Variants in SLC35B3 observed in about 807,000 individuals in gnomAD.
SLC35B3 encodes the protein solute carrier family 35 member B3.
SLC35B3 carries 35 observed loss-of-function variants against 44.1 expected under a neutral mutation model. That is an observed-to-expected ratio of 0.79 (90% CI 0.61 to 1.05). The LOEUF (loss-of-function observed/expected upper bound fraction) is 1.05, where lower values mean the gene tolerates loss of function less well. Among genes scored for constraint, SLC35B3 ranks in the 50% least tolerant of loss-of-function variants. SLC35B3 has a pLI of 0.00. For synonymous variants in SLC35B3, 146 were observed against 167.3 expected (o/e 0.87, Z 0.98); for missense variants, 414 against 476.4 (o/e 0.87, Z 1.22).
Position 8,434,293 on chromosome 6 carries a change from G to A in SLC35B3, c.3+92C>T. 2.4e-6 allele frequency: 3 copies of A among 1,236,788 alleles called. No individual in the cohort carries two copies. Among genetic ancestry groups the A allele is most frequent in the Non-Finnish European group, 1.2e-6 (1 of 853,744 alleles). The allele number at this position is 1,236,788 out of a possible 1,614,324, so 76.6% of individuals were successfully genotyped here. On this transcript the variant is annotated intron_variant, in intron 2 of 10. Transcript: ENST00000644923. This position sits in a 1 kb window ranked among gnomAD's most constrained non-coding sequence, Gnocchi z 6.3. ...CCCACACCAAAAAAAGGTAGAATAT[G>A]AAAAAAAAGTCATTACGGTGTCATT...
rs1254315540 is a variant in SLC35B3 at position 8,433,983 on chromosome 6, G to A, written c.3+402C>T. 6.6e-6 allele frequency among the ~76,000 whole-genome samples: 1 copy of A among 151,184 alleles called. No homozygotes were observed. Among genetic ancestry groups the A allele is most frequent in the Non-Finnish European group, 1.5e-5 (1 of 67,902 alleles). ...ATTAAAATTAGTTTTCAGACTAAAT[G>A]ATCAACATTGTGCTTTGCTTTTGAA... On this transcript the variant is annotated intron_variant, in intron 2 of 10. Coordinates refer to ENST00000644923, the MANE Select transcript of SLC35B3 (RefSeq NM_001370476.2). This position sits in a 1 kb window ranked among gnomAD's most constrained non-coding sequence, Gnocchi z 4.1.
rs1458303495 is a variant in SLC35B3 at position 8,434,526 on chromosome 6, G to GTT, written c.-43-98_-43-97dup. On this transcript the variant is annotated intron_variant, in intron 1 of 10. Transcript: ENST00000644923. The surrounding 1 kb of genome is among the most constrained non-coding windows in gnomAD (Gnocchi z 6.3). The stretch of plus-strand genomic sequence containing the variant: ...AAAGGTGGAGAAACCCTGTGCTAAT[G>GTT]TTTGAAGACTATTCTTTTTTTTTTC... 6 of 956,768 alleles carry GTT rather than the reference G, an allele frequency of 6.3e-6. No homozygotes were observed. The highest frequency in any genetic ancestry group is 7.5e-6 in the Non-Finnish European group (5 of 668,764). The allele number at this position is 956,768 out of a possible 1,614,324, so 59.3% of individuals were successfully genotyped here.
intron 4 of SLC35B3, among the ~76,000 whole-genome samples, chr6:8,426,928 G>A (rs549724581): frequency 2.5e-4 from 38 of 152,262 alleles, no homozygotes; most frequent in African/African-American, 8.2e-4. Flanking sequence ...TGGACATGAG[G>A]AACTTGTTGG....
At chr6:8,414,400 C>CA (rs1263343917) in intron 10 of SLC35B3, among the ~76,000 whole-genome samples, 1 of 152,016 alleles carries the variant, frequency 6.6e-6, no homozygotes, top group African/African-American at 2.4e-5. Flanking sequence ...TTCACACACA[C>CA]AAAAAATAAA....
intron 5 of SLC35B3, among the ~76,000 whole-genome samples, chr6:8,421,593 G>A (rs914603491): frequency 7.9e-5 from 12 of 152,192 alleles, no homozygotes; most frequent in Admixed American, 2.6e-4. Flanking sequence ...AATATTCCTC[G>A]TGACAATTAA....
rs1243070773 is a variant in SLC35B3, at chr6:8,433,872, A to G, written c.3+513T>C. On this transcript the variant is annotated intron_variant, in intron 2 of 10. Transcript: ENST00000644923. This position sits in a 1 kb window ranked among gnomAD's most constrained non-coding sequence, Gnocchi z 4.1. ...TGTCTGCCATATCCCTTCCACTTCA[A>G]ACATTAATGACTGATACTAACCATC... 6.7e-6 allele frequency among the ~76,000 whole-genome samples: 1 copy of G among 150,302 alleles called. No homozygotes were observed. Among genetic ancestry groups the G allele is most frequent in the Admixed American group, 6.7e-5 (1 of 14,978 alleles).
Position 8,412,655 on chromosome 6 carries a change from G to A in SLC35B3, c.*894C>T, listed in dbSNP as rs1269064602. ...CCTTTTGGCAGTAGGGACTAGTTTC[G>A]TGGAAGACAATTTTTCCATGGACTG... On this transcript the variant is annotated 3_prime_UTR_variant, in exon 11 of 11. Transcript: ENST00000644923. 2.6e-5 allele frequency among the ~76,000 whole-genome samples: 4 copies of A among 152,220 alleles called. No homozygotes were observed. The highest frequency in any genetic ancestry group is 3.4e-3 in the Middle Eastern group (1 of 294).
chr6:8,435,454 C>T lies in SLC35B3; in HGVS notation c.-155G>A. On this transcript the variant is annotated 5_prime_UTR_variant, in exon 1 of 11. Coordinates refer to ENST00000644923, the MANE Select transcript of SLC35B3 (RefSeq NM_001370476.2). This position sits in a 1 kb window ranked among gnomAD's most constrained non-coding sequence, Gnocchi z 5.5. ...TCGCCATCACCTCCTCTTCCTCCTCCTCCTCGCCCACTCCTGCACTTTCCA... is the reference window on the plus strand; with the variant it reads ...TCGCCATCACCTCCTCTTCCTCCTCTTCCTCGCCCACTCCTGCACTTTCCA... 5 of 1,197,322 alleles carry T rather than the reference C, an allele frequency of 4.2e-6. No homozygotes were observed. Among genetic ancestry groups the T allele is most frequent in the Non-Finnish European group, 5.5e-6 (5 of 907,982 alleles). The allele number at this position is 1,197,322 out of a possible 1,614,324, so 74.2% of individuals were successfully genotyped here. A position where few individuals can be genotyped will look rare whatever the true frequency, so the allele number is the denominator to read the frequency against.
chr6:8,413,555 A>G lies in SLC35B3; in HGVS notation c.1200T>C (p.Thr400=). The G allele has an allele frequency of 2.5e-6, 4 of 1,608,080 alleles. No homozygotes were observed. Among genetic ancestry groups the G allele is most frequent in the Non-Finnish European group, 3.4e-6 (4 of 1,177,838 alleles). ...TAAATAGGACAATCACTGTCTATAC[A>G]GTCTGTGCCAGCGTCCTTGACTTTC... Residue 400 remains threonine, a synonymous_variant, in exon 11 of 11, where the codon ACT becomes ACC. Transcript: ENST00000644923.
At position 8,417,460 on chromosome 6, in the gene SLC35B3, A is replaced by G. The variant is rs1392713565; in HGVS notation, c.815T>C (p.Ile272Thr). 2 of 1,605,220 alleles carry G rather than the reference A, an allele frequency of 1.2e-6. No individual in the cohort carries two copies. ...ACTAGTGCATGTCAATCCCAGTAAA[A>G]TGTATACAAAACCAATTGAATACGA... The change falls in exon 8 of 11, where the codon ATT (isoleucine) becomes ACT (threonine). Residue 272 changes from isoleucine (I) to threonine (T), a missense_variant. Transcript: ENST00000644923.
intron 3 of SLC35B3, among the ~76,000 whole-genome samples, chr6:8,428,666 T>A (rs968854243): frequency 6.6e-6 from 1 of 152,200 alleles, no homozygotes; most frequent in African/African-American, 2.4e-5. Context: ...AGAAAATTTA[T>A]TTAATGACAC....
rs1205926149 is a variant in SLC35B3, at chr6:8,413,467, T to C, written c.*82A>G. The C allele has an allele frequency of 7.9e-7, 1 of 1,261,928 alleles. No individual in the cohort carries two copies. The highest frequency in any genetic ancestry group is 1.1e-6 in the Non-Finnish European group (1 of 915,948). The allele number at this position is 1,261,928 out of a possible 1,614,324, so 78.2% of individuals were successfully genotyped here. A position where few individuals can be genotyped will look rare whatever the true frequency, so the allele number is the denominator to read the frequency against. ...GGGATAGCAATGCCTCCAGATCCTT[T>C]GGTTTTTATCAGTCCCTTTGGAAAG... is the stretch of plus-strand genomic sequence containing the variant. On this transcript the variant is annotated 3_prime_UTR_variant, in exon 11 of 11. Transcript: ENST00000644923.
At chr6:8,430,923 C>G (rs904287341) in intron 2 of SLC35B3, among the ~76,000 whole-genome samples, 2 of 151,458 alleles carry the variant, frequency 1.3e-5, no homozygotes, top group Non-Finnish European at 3.0e-5. Flanking sequence ...AAAAACAAAA[C>G]AAAGAAACCC....
chr6:8,429,190 T>G (rs1278986355), intron 3 of SLC35B3, among the ~76,000 whole-genome samples: 1 of 152,164 alleles, frequency 6.6e-6, no homozygotes, highest in Non-Finnish European at 1.5e-5. Flanking sequence ...TCCAACATCC[T>G]GTTTTCACTA....
At chr6:8,421,294 T>G (rs1762868924) in intron 5 of SLC35B3, among the ~76,000 whole-genome samples, 1 of 152,236 alleles carries the variant, frequency 6.6e-6, no homozygotes, top group Non-Finnish European at 1.5e-5. Context: ...GAAAATTAAA[T>G]TATTTTCATA....
chr6:8,415,102 T>C (rs1762299560), intron 9 of SLC35B3, 125 bp from the exon 9 acceptor site: 7 of 544,030 alleles, frequency 1.3e-5, no homozygotes, highest in Non-Finnish European at 1.9e-5. Flanking sequence ...AAGGTGACAA[T>C]GGAAAGTAGA....
Position 8,412,442 on chromosome 6 carries a change from C to CATCAAT in SLC35B3, c.*1101_*1106dup, listed in dbSNP as rs1230511714. ...TAATTATTTTATTATAATTTTGAGA[C>CATCAAT]ATCAATTACTTTTTCTTCAATTAAA... On this transcript the variant is annotated 3_prime_UTR_variant, in exon 11 of 11. Coordinates refer to ENST00000644923, the MANE Select transcript of SLC35B3 (RefSeq NM_001370476.2). Among the ~76,000 whole-genome samples, 1 of 152,050 alleles carries CATCAAT rather than the reference C, an allele frequency of 6.6e-6. No individual in the cohort carries two copies. Among genetic ancestry groups the CATCAAT allele is most frequent in the African/African-American group, 2.4e-5 (1 of 41,408 alleles).
intron 3 of SLC35B3, among the ~76,000 whole-genome samples, chr6:8,429,607 GTTAAATA>G (rs1763764501): frequency 1.3e-5 from 2 of 152,092 alleles, no homozygotes; most frequent in East Asian, 3.9e-4. Flanking sequence ...CACACATTTT[GTTAAATA>G]TTTAAAACTT....
In SLC35B3 at chr6:8,432,763, C is replaced by G. The variant is rs766696937; in HGVS notation, c.3+1622G>C. Among the ~76,000 whole-genome samples the G allele has an allele frequency of 6.6e-6, 1 of 152,114 alleles. No homozygotes were observed. Among genetic ancestry groups the G allele is most frequent in the Non-Finnish European group, 1.5e-5 (1 of 68,028 alleles). On this transcript the variant is annotated intron_variant, in intron 2 of 10. Coordinates refer to ENST00000644923, the MANE Select transcript of SLC35B3 (RefSeq NM_001370476.2). This position sits in a 1 kb window ranked among gnomAD's most constrained non-coding sequence, Gnocchi z 4.8. ...AAGTGTGTTAGCTGTCATCCTTCAA[C>G]TTTTTAGAAATATTGCTAGGGTGAT...
Sources: gnomAD v4.1 joint callset for allele counts (sites outside exome capture counted in the v4.1 genomes callset) on GRCh38, gnomAD v4.1.1 for gene constraint, Gnocchi (gnomAD v3.1) non-coding constraint, MANE v1.5 for transcripts, NCBI Gene and HGNC (gene_info 2026-07-23, HGNC 2026-07-21) for gene names.